Variants in TPST1 observed in about 807,000 individuals in gnomAD.
TPST1 encodes tyrosylprotein sulfotransferase 1.
TPST1 carries 20 observed loss-of-function variants against 34.8 expected under a neutral mutation model. The ratio of observed to expected loss-of-function variants is 0.57; its 90% CI spans 0.40 to 0.84. The LOEUF is 0.84. TPST1 is among the 40% of genes least tolerant of loss of function. The pLI is 0.00. For synonymous variants in TPST1, 152 were observed against 159.4 expected, an observed-to-expected ratio of 0.95 and a Z score of 0.35; for missense variants, 353 against 455.5, an observed-to-expected ratio of 0.78 and a Z score of 2.05.
chr7:66,229,300 C>T (rs187729170), intron 1 of TPST1, among the ~76,000 whole-genome samples: 2,390 of 152,130 alleles, frequency 0.016, 62 homozygotes, highest in East Asian at 0.093. Context: ...TTAGTAGAGA[C>T]GGGGTTTCAC....
At chr7:66,337,449 C>T (rs981801580) in intron 3 of TPST1, among the ~76,000 whole-genome samples, 7 of 151,898 alleles carry the variant, frequency 4.6e-5, no homozygotes, top group African/African-American at 1.7e-4. Context: ...ACTGGGATTA[C>T]AGATATGTGC....
At chr7:66,258,581 T>C (rs1032804253) in intron 2 of TPST1, among the ~76,000 whole-genome samples, 1 of 152,248 alleles carries the variant, frequency 6.6e-6, no homozygotes, top group Non-Finnish European at 1.5e-5. Flanking sequence ...TGGCTCATCT[T>C]TTCCTGGATT....
chr7:66,329,682 G>A (rs528024053), intron 3 of TPST1, among the ~76,000 whole-genome samples: 2 of 152,200 alleles, frequency 1.3e-5, no homozygotes, highest in African/African-American at 2.4e-5. Context: ...GCAAGTAGTA[G>A]ACTGAATGAT....
chr7:66,246,329 C>T (rs1242493545), intron 2 of TPST1, among the ~76,000 whole-genome samples: 1 of 151,800 alleles, frequency 6.6e-6, no homozygotes, highest in Non-Finnish European at 1.5e-5. Context: ...CCATGCCCAG[C>T]CTCCTTTTAC....
intron 3 of TPST1, among the ~76,000 whole-genome samples, chr7:66,349,736 G>A (rs1179031115): frequency 6.6e-6 from 1 of 152,110 alleles, no homozygotes; most frequent in Non-Finnish European, 1.5e-5. Flanking sequence ...CCTGGGGCCT[G>A]GAAAGTAGGG....
At chr7:66,233,866 T>G (rs1022878491) in intron 1 of TPST1, among the ~76,000 whole-genome samples, 7 of 152,176 alleles carry the variant, frequency 4.6e-5, no homozygotes, top group African/African-American at 1.4e-4. Flanking sequence ...ACTTCCTGCT[T>G]CTTTTTTTTT....
At chr7:66,355,511 A>G (rs970718277) in intron 4 of TPST1, among the ~76,000 whole-genome samples, 4 of 151,776 alleles carry the variant, frequency 2.6e-5, no homozygotes, top group African/African-American at 9.7e-5. Flanking sequence ...CAAAAAACTC[A>G]TCTGTGGAAT....
At chr7:66,218,020 C>T (rs1789461473) in intron 1 of TPST1, among the ~76,000 whole-genome samples, 1 of 152,140 alleles carries the variant, frequency 6.6e-6, no homozygotes, top group African/African-American at 2.4e-5. Flanking sequence ...GCTGCGATTA[C>T]AGGCACCCAC....
intron 3 of TPST1, among the ~76,000 whole-genome samples, chr7:66,315,304 G>A (rs978339351): frequency 1.3e-5 from 2 of 152,232 alleles, no homozygotes; most frequent in Non-Finnish European, 2.9e-5. Flanking sequence ...TATCAGGCTC[G>A]TGAAACTGGA....
chr7:66,281,712 T>C (rs1178643392), intron 2 of TPST1, among the ~76,000 whole-genome samples: 2 of 152,238 alleles, frequency 1.3e-5, no homozygotes, highest in African/African-American at 4.8e-5. Flanking sequence ...CATTCCTTTT[T>C]GCATATCTGT....
At chr7:66,287,680 C>T (rs1430630351) in intron 3 of TPST1, among the ~76,000 whole-genome samples, 8 of 128,636 alleles carry the variant, frequency 6.2e-5, no homozygotes, top group African/African-American at 1.9e-4. Context: ...TCATGTCCTT[C>T]GCCCACTTTT....
chr7:66,303,391 G>GTGTATGTATGTA (rs6150141), intron 3 of TPST1, among the ~76,000 whole-genome samples: 316 of 150,164 alleles, frequency 2.1e-3, no homozygotes, highest in East Asian at 8.8e-3. Flanking sequence ...ACAGCTGTGT[G>GTGTATGTATGTA]TGTATGTATG....
chr7:66,236,091 G>A (rs1284688344), intron 1 of TPST1, among the ~76,000 whole-genome samples: 4 of 152,094 alleles, frequency 2.6e-5, no homozygotes, highest in African/African-American at 4.8e-5. Context: ...GACAGACAGT[G>A]AGCAGAGGGA....
At chr7:66,358,553 G>A (rs548334772) in intron 5 of TPST1, among the ~76,000 whole-genome samples, 59 of 152,212 alleles carry the variant, frequency 3.9e-4, no homozygotes, top group Non-Finnish European at 6.3e-4. Context: ...GAGAAAACAG[G>A]TTGAATGTGA....
intron 3 of TPST1, among the ~76,000 whole-genome samples, chr7:66,341,250 T>G (rs1260244241): frequency 6.6e-6 from 1 of 152,186 alleles, no homozygotes; most frequent in Non-Finnish European, 1.5e-5. Flanking sequence ...GTGCACACAT[T>G]TTATACACAC....
At chr7:66,211,974 C>CA (rs937354490) in intron 1 of TPST1, among the ~76,000 whole-genome samples, 2 of 151,944 alleles carry the variant, frequency 1.3e-5, no homozygotes, top group African/African-American at 4.8e-5. Flanking sequence ...CAAAAAGAAA[C>CA]AAACAAAAAA....
chr7:66,309,703 G>A lies in TPST1; in HGVS notation c.1044+22994G>A, dbSNP rs1204594445. Among the ~76,000 whole-genome samples the A allele has an allele frequency of 3.9e-5, 6 of 152,246 alleles. No individual in the cohort carries two copies. In the East Asian group the frequency reaches 1.2e-3, roughly 29 times the overall value. ...GCTGACTGCTTGTTCCTTTTTCCCT[G>A]TTAGTAAAGACTATTCCTTTAAAAA... On this transcript the variant is annotated intron_variant, in intron 3 of 5. Coordinates refer to ENST00000304842, the MANE Select transcript of TPST1 (RefSeq NM_003596.4).
At chr7:66,279,418 C>G (rs773516556) in intron 2 of TPST1, among the ~76,000 whole-genome samples, 1 of 152,040 alleles carries the variant, frequency 6.6e-6, no homozygotes, top group Non-Finnish European at 1.5e-5. Context: ...TATAGTAGAA[C>G]GATTTATATT....
At chr7:66,257,111 TA>T (rs1337780470) in intron 2 of TPST1, among the ~76,000 whole-genome samples, 1 of 152,138 alleles carries the variant, frequency 6.6e-6, no homozygotes, top group Non-Finnish European at 1.5e-5. Context: ...CACACCTGGC[TA>T]ATTTTTTTAT....
Sources: gnomAD v4.1 joint callset for allele counts (sites outside exome capture counted in the v4.1 genomes callset) on GRCh38, gnomAD v4.1.1 for gene constraint, MANE v1.5 for transcripts, NCBI Gene and HGNC (gene_info 2026-07-23, HGNC 2026-07-21) for gene names.